Variants in NSD2 observed in about 807,000 individuals in gnomAD.
NSD2 encodes the protein nuclear receptor binding SET domain protein 2, also known as histone-lysine N-methyltransferase NSD2.
A neutral mutation model predicts 139.0 loss-of-function variants in NSD2; 12 were observed. That is an observed-to-expected ratio of 0.09 (90% CI 0.06 to 0.14). NSD2 has a LOEUF of 0.14. Among genes scored for constraint, NSD2 ranks in the 10% least tolerant of loss-of-function variants. The pLI is 1.00. For synonymous variants in NSD2, 669 were observed against 648.7 expected, an observed-to-expected ratio of 1.03 and a Z score of -0.48; for missense variants, 1,155 against 1,745.0, an observed-to-expected ratio of 0.66 and a Z score of 6.02.
chr4:1,945,657 T>C, intron 9 of NSD2: 1 of 1,063,880 alleles, frequency 9.4e-7, no homozygotes, highest in Non-Finnish European at 1.1e-6. Context: ...TGGAAGCCAG[T>C]ATAAGCATTT....
At chr4:1,929,894 C>G (rs1721429640) in intron 5 of NSD2, among the ~76,000 whole-genome samples, 1 of 152,128 alleles carries the variant, frequency 6.6e-6, no homozygotes, top group Non-Finnish European at 1.5e-5. Context: ...CATAGGATTT[C>G]AAACCCCCAG....
intron 3 of NSD2, among the ~76,000 whole-genome samples, chr4:1,916,488 G>A (rs1264687988): frequency 6.6e-6 from 1 of 152,180 alleles, no homozygotes; most frequent in African/African-American, 2.4e-5. Flanking sequence ...TGGGACTACA[G>A]GTGCACACCA....
intron 3 of NSD2, among the ~76,000 whole-genome samples, chr4:1,911,609 A>AAAG (rs1718698100): frequency 7.1e-6 from 1 of 141,760 alleles, no homozygotes; most frequent in Non-Finnish European, 1.5e-5. Context: ...AAAAAAAAAG[A>AAAG]AAAAAAAAAA....
intron 6 of NSD2, among the ~76,000 whole-genome samples, chr4:1,934,878 A>T (rs7441707): frequency 0.019 from 395 of 20,736 alleles, 7 homozygotes; most frequent in Admixed American, 0.031. Flanking sequence ...AAAAAAAAAA[A>T]ATATATATAT....
intron 9 of NSD2, chr4:1,944,684 A>G (rs1041145053): frequency 4.7e-6 from 5 of 1,064,294 alleles, no homozygotes; most frequent in Non-Finnish European, 4.6e-6. Flanking sequence ...TATTGGCAAT[A>G]GAGGTCCTGA....
chr4:1,875,184 C>T (rs183540251), intron 1 of NSD2, among the ~76,000 whole-genome samples: 330 of 151,750 alleles, frequency 2.2e-3, no homozygotes, highest in Non-Finnish European at 3.5e-3. Flanking sequence ...CTCTGTAACT[C>T]CTGGCCTCAA....
chr4:1,951,289 C>T, intron 10 of NSD2, 86 bp downstream of exon 10: 8 of 1,565,266 alleles, frequency 5.1e-6, no homozygotes, highest in Non-Finnish European at 6.1e-6. Context: ...TGTCTTTTCC[C>T]TTCCCACCAG....
At chr4:1,940,763 G>C in intron 9 of NSD2, 2 of 1,060,316 alleles carry the variant, frequency 1.9e-6, no homozygotes, top group Non-Finnish European at 2.3e-6. Context: ...TCTCTGCCAT[G>C]GTCCCCAGGA....
chr4:1,945,430 GT>G, intron 9 of NSD2: 1 of 1,064,584 alleles, frequency 9.4e-7, no homozygotes, highest in Non-Finnish European at 1.1e-6. Context: ...GCCAGAACAA[GT>G]GCTGGGTCTG....
At position 1,978,958 on chromosome 4, in the gene NSD2, C is replaced by A. The variant is rs781197852; in HGVS notation, c.*49C>A. On this transcript the variant is annotated 3_prime_UTR_variant, in exon 22 of 22. Transcript: ENST00000508803. Reference sequence around the variant, plus strand: ...TCCAGGGGCGGTGCAGGGCGGCCGGCCCTGCCTGCGGGAGAGGGCGAGCAT... The same window carrying A: ...TCCAGGGGCGGTGCAGGGCGGCCGGACCTGCCTGCGGGAGAGGGCGAGCAT... 1 of 1,446,864 alleles carries A rather than the reference C, an allele frequency of 6.9e-7. No homozygotes were observed. Among genetic ancestry groups the A allele is most frequent in the Non-Finnish European group, 9.1e-7 (1 of 1,097,806 alleles). The allele number at this position is 1,446,864 out of a possible 1,614,324, so 89.6% of individuals were successfully genotyped here. A position where few individuals can be genotyped will look rare whatever the true frequency, so the allele number is the denominator to read the frequency against.
chr4:1,898,106 T>A (rs1165623908), intron 1 of NSD2, among the ~76,000 whole-genome samples: 1 of 152,110 alleles, frequency 6.6e-6, no homozygotes, highest in African/African-American at 2.4e-5. Flanking sequence ...TCCCCCTTCT[T>A]TTTACAGTCT....
Position 1,945,868 on chromosome 4 carries a change from C to T in NSD2, c.1882-5204C>T, listed in dbSNP as rs1723577875. The T allele has an allele frequency of 1.4e-5, 15 of 1,061,032 alleles. 1 individual carries two copies. In the South Asian group the frequency reaches 6.8e-4, roughly 48 times the overall value. 65.7% of individuals were successfully genotyped at this position (1,061,032 alleles called of 1,614,324 possible). ...TAGATGAAAAATAAGGTCGTTATGACTTTGGCAACTTGCTTCATTTCTTTT... is the reference window on the plus strand; with the variant it reads ...TAGATGAAAAATAAGGTCGTTATGATTTTGGCAACTTGCTTCATTTCTTTT... On this transcript the variant is annotated intron_variant, in intron 9 of 21. Transcript: ENST00000508803.
At chr4:1,884,835 G>A (rs539484219) in intron 1 of NSD2, among the ~76,000 whole-genome samples, 192 of 152,152 alleles carry the variant, frequency 1.3e-3, no homozygotes, top group African/African-American at 4.4e-3. Flanking sequence ...TGGGCTGGGC[G>A]TGGTGGCTCA....
At chr4:1,901,310 CT>C in intron 2 of NSD2, 59 bp downstream of exon 2, 1 of 1,414,546 alleles carries the variant, frequency 7.1e-7, no homozygotes, top group South Asian at 1.4e-5. Flanking sequence ...CATGGCCACC[CT>C]ATGAGGGCAC....
intron 21 of NSD2, among the ~76,000 whole-genome samples, chr4:1,977,416 C>T (rs925368561): frequency 1.8e-4 from 27 of 152,170 alleles, no homozygotes; most frequent in Non-Finnish European, 2.2e-4. Flanking sequence ...TGCAGTGTGT[C>T]GCCATGAGGC....
At chr4:1,920,565 C>T (rs370934527) in intron 5 of NSD2, among the ~76,000 whole-genome samples, 1 of 152,040 alleles carries the variant, frequency 6.6e-6, no homozygotes, top group Non-Finnish European at 1.5e-5. Context: ...AGTAAACACC[C>T]TGTATTTATG....
In NSD2 at chr4:1,948,259, G is replaced by A. The variant is rs1036751942; in HGVS notation, c.1882-2813G>A. ...AAAGTTCTTGACAGAGTCTGTGTCC[G>A]CTCAGTCCCTGCACTTTTCCTTTCC... On this transcript the variant is annotated intron_variant, in intron 9 of 21. Transcript: ENST00000508803. The surrounding 1 kb of genome is among the most constrained non-coding windows in gnomAD (Gnocchi z 4.5). The A allele has an allele frequency of 5.6e-6, 6 of 1,064,512 alleles. No homozygotes were observed. The highest frequency in any genetic ancestry group is 3.3e-5 in the African/African-American group (2 of 61,106). The allele number at this position is 1,064,512 out of a possible 1,614,324, so 65.9% of individuals were successfully genotyped here.
At position 1,974,674 on chromosome 4, in the gene NSD2, C is replaced by A; in HGVS notation, c.3373-189C>A. The A allele has an allele frequency of 1.2e-6, 1 of 864,456 alleles. No individual in the cohort carries two copies. Among genetic ancestry groups the A allele is most frequent in the Non-Finnish European group, 1.9e-6 (1 of 512,876 alleles). The allele number at this position is 864,456 out of a possible 1,614,324, so 53.5% of individuals were successfully genotyped here. ...CTCGGTCCTCTCCACGTGGTCCTGA[C>A]CTGTCCTCTGTGAGCAAGAGAAACA... On this transcript the variant is annotated intron_variant, in intron 18 of 21. Coordinates refer to ENST00000508803, the MANE Select transcript of NSD2 (RefSeq NM_001042424.3). This position sits in a 1 kb window ranked among gnomAD's most constrained non-coding sequence, Gnocchi z 4.0.
chr4:1,883,358 G>T lies in NSD2; in HGVS notation c.-30+11816G>T, dbSNP rs999094775. On this transcript the variant is annotated intron_variant, in intron 1 of 21. Transcript: ENST00000508803. ...GTGTACCCCCTCTGCAGGGCTGGGCGCAGTGGCTCAGGCCTGTAATCCCAG... is the reference window on the plus strand; with the variant it reads ...GTGTACCCCCTCTGCAGGGCTGGGCTCAGTGGCTCAGGCCTGTAATCCCAG... Among the ~76,000 whole-genome samples the T allele has an allele frequency of 2.6e-5, 4 of 151,574 alleles. No individual in the cohort carries two copies. In the East Asian group the frequency reaches 5.8e-4, roughly 22 times the overall value.
Sources: allele counts gnomAD v4.1 joint callset (sites outside exome capture counted in the v4.1 genomes callset), GRCh38; gene constraint gnomAD v4.1.1; non-coding constraint Gnocchi (gnomAD v3.1); transcripts MANE v1.5; gene names NCBI Gene and HGNC (gene_info 2026-07-23, HGNC 2026-07-21).